HMCN1: variants seen among roughly 807,000 people sequenced by gnomAD.
HMCN1 encodes the protein hemicentin 1.
In HMCN1, 321 loss-of-function variants were observed where a neutral mutation model predicts 625.9. The ratio of observed to expected loss-of-function variants is 0.51; its 90% CI spans 0.47 to 0.56. The LOEUF is 0.56. Ranked by LOEUF, HMCN1 falls within the 20% of genes least tolerant of loss-of-function variation. HMCN1 has a pLI of 0.00. For synonymous variants in HMCN1, 2,425 were observed against 2,417.6 expected (o/e 1.00, Z -0.09); for missense variants, 6,588 against 6,887.3 (o/e 0.96, Z 1.54).
At position 186,149,345 on chromosome 1, in the gene HMCN1, G is replaced by T. The variant is rs148547525; in HGVS notation, c.14609-1855G>T. ...ATAATTTGCTCCAGTTTCTACATCA[G>T]CATGTGCTGTTCTACCTTGCACTTT... On this transcript the variant is annotated intron_variant, in intron 93 of 106. Transcript: ENST00000271588. Among the ~76,000 whole-genome samples the T allele has an allele frequency of 1.9e-4, 29 of 152,282 alleles. No homozygotes were observed. In the East Asian group the frequency reaches 3.1e-3, roughly 16 times the overall value.
At chr1:185,743,111 T>C (rs540636457) in intron 1 of HMCN1, among the ~76,000 whole-genome samples, 2 of 152,338 alleles carry the variant, frequency 1.3e-5, no homozygotes, top group Admixed American at 1.3e-4. Context: ...TAATTCTGCT[T>C]ACTCCTCTTT....
Position 186,089,017 on chromosome 1 carries a change from C to T in HMCN1, c.9727+262C>T, listed in dbSNP as rs574661018. Among the ~76,000 whole-genome samples, 45 of 152,014 alleles carry T rather than the reference C, an allele frequency of 3.0e-4. No homozygotes were observed. In the South Asian group the frequency reaches 9.3e-3, roughly 31 times the overall value. The stretch of plus-strand genomic sequence containing the variant: ...CATTTCCACTTCCATTATTATCTTT[C>T]TATAGTATATATCTATGGAGTTATA... On this transcript the variant is annotated intron_variant, in intron 63 of 106. Coordinates refer to ENST00000271588, the MANE Select transcript of HMCN1 (RefSeq NM_031935.3).
chr1:186,070,654 T>G lies in HMCN1; in HGVS notation c.8036T>G (p.Leu2679Arg). Reference protein sequence around the residue: ...INKGDLWGPGLSPKEVKIKVN... With the variant: ...INKGDLWGPGRSPKEVKIKVN... ...AAAGGGGACCTTTGGGGGCCAGGTC[T>G]TTCCCCTAAAGAAGTGAAGATCAAA... The change falls in exon 52 of 107, where the codon CTT (leucine) becomes CGT (arginine). Residue 2679 changes from leucine to arginine, a missense_variant. This residue lies in a region of HMCN1 where 4,628 missense variants were observed against 4,853.1 expected (regional missense o/e 0.95). Coordinates refer to ENST00000271588, the MANE Select transcript of HMCN1 (RefSeq NM_031935.3). The G allele has an allele frequency of 1.2e-6, 2 of 1,613,524 alleles. No individual in the cohort carries two copies. Among genetic ancestry groups the G allele is most frequent in the Non-Finnish European group, 1.7e-6 (2 of 1,179,484 alleles).
At chr1:185,789,277 T>TCGTG (rs1657833303) in intron 1 of HMCN1, among the ~76,000 whole-genome samples, 1 of 152,104 alleles carries the variant, frequency 6.6e-6, no homozygotes, top group Non-Finnish European at 1.5e-5. Flanking sequence ...TGTGAGGAAG[T>TCGTG]AGTGAGTTGT....
chr1:186,149,153 C>T (rs1204190278), intron 93 of HMCN1, among the ~76,000 whole-genome samples: 1 of 152,142 alleles, frequency 6.6e-6, no homozygotes, highest in Non-Finnish European at 1.5e-5. Context: ...AAGTCCTTAA[C>T]AAGACAGTCA....
Position 186,001,606 on chromosome 1 carries a change from A to G in HMCN1, c.4213A>G (p.Ser1405Gly). 1 of 1,613,180 alleles carries G rather than the reference A, an allele frequency of 6.2e-7. No homozygotes were observed. The highest frequency in any genetic ancestry group is 8.5e-7 in the Non-Finnish European group (1 of 1,179,312). Reference sequence around the variant, plus strand: ...TTGGCCCTTAAAGGTGACTGAAAGCAGCACTATTCAGACTGTGAACAATGG... The same window carrying G: ...TTGGCCCTTAAAGGTGACTGAAAGCGGCACTATTCAGACTGTGAACAATGG... ...YKDNVQVTES[S>G]TIQTVNNGKI... The change falls in exon 28 of 107, where the codon AGC (serine) becomes GGC (glycine). Residue 1405 changes from serine to glycine, a missense_variant. Ser to Gly is a moderately conservative substitution (Grantham distance 56). Around this residue, in one of 3 missense-constraint regions of HMCN1, gnomAD observed 4,628 missense variants for 4,853.1 expected, o/e 0.95. Transcript: ENST00000271588.
chr1:185,849,613 C>T lies in HMCN1; in HGVS notation c.339+3517C>T, dbSNP rs143285517. Among the ~76,000 whole-genome samples, 743 of 152,156 alleles carry T rather than the reference C, an allele frequency of 4.9e-3. 3 individuals carry two copies. The highest frequency in any genetic ancestry group is 0.017 in the African/African-American group (691 of 41,504). The stretch of plus-strand genomic sequence containing the variant: ...TCACTGTTGGATAAATGACTTAATT[C>T]GGATCTGCACATAGTAATGAGCATA... On this transcript the variant is annotated intron_variant, in intron 2 of 106. Transcript: ENST00000271588.
At chr1:185,763,176 C>G (rs1655625190) in intron 1 of HMCN1, among the ~76,000 whole-genome samples, 1 of 151,994 alleles carries the variant, frequency 6.6e-6, no homozygotes, top group Admixed American at 6.6e-5. Flanking sequence ...AGAGCTGATA[C>G]CAGATCTGGG....
At chr1:186,007,924 A>G (rs1653747831) in intron 30 of HMCN1, among the ~76,000 whole-genome samples, 1 of 152,108 alleles carries the variant, frequency 6.6e-6, no homozygotes, top group South Asian at 2.1e-4. Flanking sequence ...ATGGAACTCA[A>G]TAGACCTGTA....
At chr1:185,795,747 AACACCG>A (rs1284533575) in intron 1 of HMCN1, among the ~76,000 whole-genome samples, 1 of 152,206 alleles carries the variant, frequency 6.6e-6, no homozygotes, top group Non-Finnish European at 1.5e-5. Flanking sequence ...TTTAAATTGC[AACACCG>A]ATTTCTTCCT....
intron 97 of HMCN1, among the ~76,000 whole-genome samples, chr1:186,164,073 C>G (rs1170007950): frequency 6.6e-6 from 1 of 152,166 alleles, no homozygotes; most frequent in Non-Finnish European, 1.5e-5. Context: ...CACACACACA[C>G]AGCAACCGTG....
intron 5 of HMCN1, among the ~76,000 whole-genome samples, chr1:185,910,821 G>A (rs781693139): frequency 2.6e-5 from 4 of 151,922 alleles, no homozygotes; most frequent in Admixed American, 6.6e-5. Context: ...TGCCCACCTC[G>A]GCCTCCCAAA....
intron 1 of HMCN1, among the ~76,000 whole-genome samples, chr1:185,807,769 T>G (rs983825872): frequency 1.3e-5 from 2 of 152,200 alleles, no homozygotes; most frequent in Non-Finnish European, 2.9e-5. Flanking sequence ...GCAAAAGTCT[T>G]TTATGATAAT....
intron 1 of HMCN1, among the ~76,000 whole-genome samples, chr1:185,787,480 A>G (rs1302729098): frequency 6.6e-6 from 1 of 152,178 alleles, no homozygotes; most frequent in Non-Finnish European, 1.5e-5. Flanking sequence ...CTAAGAGTGC[A>G]AAATCCACAC....
intron 4 of HMCN1, among the ~76,000 whole-genome samples, chr1:185,877,518 A>T (rs1035638843): frequency 6.6e-6 from 1 of 151,284 alleles, no homozygotes; most frequent in South Asian, 2.1e-4. Flanking sequence ...TGGTAGTTAG[A>T]TAGAAATTAC....
chr1:186,015,576 C>A (rs962958543), intron 31 of HMCN1, 139 bp downstream of exon 31: 8 of 876,134 alleles, frequency 9.1e-6, no homozygotes, highest in Admixed American at 4.6e-5. Context: ...AGAATTTGTT[C>A]CATGATTTGG....
intron 36 of HMCN1, among the ~76,000 whole-genome samples, chr1:186,032,196 G>C (rs897653803): frequency 1.3e-5 from 2 of 151,828 alleles, no homozygotes; most frequent in Non-Finnish European, 1.5e-5. Context: ...GAATTTACAA[G>C]GAACTCAAAC....
rs1210501652 is a variant in HMCN1 at position 185,998,954 on chromosome 1, G to A, written c.3875-1091G>A. Among the ~76,000 whole-genome samples the A allele has an allele frequency of 2.0e-5, 3 of 152,016 alleles. 1 individual carries two copies. In the East Asian group the frequency reaches 5.8e-4, roughly 29 times the overall value. ...TTGACAACATGGACAGGCAACTGGA[G>A]TCTATCAGTTTAACCTTTTTGTTCT... On this transcript the variant is annotated intron_variant, in intron 25 of 106. Coordinates refer to ENST00000271588, the MANE Select transcript of HMCN1 (RefSeq NM_031935.3).
intron 1 of HMCN1, among the ~76,000 whole-genome samples, chr1:185,744,482 A>G (rs577633052): frequency 6.6e-6 from 1 of 152,328 alleles, no homozygotes; most frequent in Non-Finnish European, 1.5e-5. Context: ...AAAGTCAAAG[A>G]TAAGCCATTA....
Sources: allele counts gnomAD v4.1 joint callset (sites outside exome capture counted in the v4.1 genomes callset), GRCh38; gene constraint gnomAD v4.1.1; regional missense constraint gnomAD v4.1.1; transcripts MANE v1.5; gene names NCBI Gene and HGNC (gene_info 2026-07-23, HGNC 2026-07-21).